ADAM22: variants seen among roughly 807,000 people sequenced by gnomAD.
The protein encoded by ADAM22 is ADAM metallopeptidase domain 22, also known as disintegrin and metalloproteinase domain-containing protein 22.
A neutral mutation model predicts 144.6 loss-of-function variants in ADAM22; 65 were observed. The ratio of observed to expected loss-of-function variants is 0.45; its 90% CI spans 0.37 to 0.55. The LOEUF (loss-of-function observed/expected upper bound fraction) is 0.55, where lower values mean the gene tolerates loss of function less well. Among genes scored for constraint, ADAM22 ranks in the 20% least tolerant of loss-of-function variants. The pLI, the probability that ADAM22 is intolerant of heterozygous loss-of-function variation, is 0.00. For synonymous variants in ADAM22, 391 were observed against 412.6 expected (o/e 0.95, Z 0.63); for missense variants, 974 against 1,184.9 (o/e 0.82, Z 2.61).
At position 87,979,888 on chromosome 7, in the gene ADAM22, A is replaced by G. The variant is rs151255170; in HGVS notation, c.323+1476A>G. Reference sequence around the variant, plus strand: ...TGGAAAGTCAGGTTCTTAGGTCTCTATTTTAATAACTCCCTTCCATCCCTC... The same window carrying G: ...TGGAAAGTCAGGTTCTTAGGTCTCTGTTTTAATAACTCCCTTCCATCCCTC... On this transcript the variant is annotated intron_variant, in intron 3 of 31. Transcript: ENST00000413139. 1.1e-4 allele frequency among the ~76,000 whole-genome samples: 16 copies of G among 152,278 alleles called. 1 individual carries two copies. In the East Asian group the frequency reaches 2.7e-3, roughly 26 times the overall value.
At chr7:88,162,740 TG>T (rs1842025095) in intron 22 of ADAM22, among the ~76,000 whole-genome samples, 1 of 152,088 alleles carries the variant, frequency 6.6e-6, no homozygotes, top group Non-Finnish European at 1.5e-5. Context: ...ACCTTTTGCT[TG>T]GTAGCCCAGG....
At chr7:87,970,422 A>G (rs1250921550) in intron 2 of ADAM22, among the ~76,000 whole-genome samples, 1 of 152,164 alleles carries the variant, frequency 6.6e-6, no homozygotes, top group East Asian at 1.9e-4. Context: ...TTTCACAGTT[A>G]TCTTATTGTA....
intron 3 of ADAM22, among the ~76,000 whole-genome samples, chr7:87,988,674 G>T (rs1789036818): frequency 6.6e-6 from 1 of 152,196 alleles, no homozygotes; most frequent in Non-Finnish European, 1.5e-5. Context: ...TTATTGGAGA[G>T]ATGGGGCCTG....
chr7:88,163,136 A>G lies in ADAM22; in HGVS notation c.2032A>G (p.Thr678Ala). The G allele has an allele frequency of 6.2e-7, 1 of 1,612,034 alleles. No individual in the cohort carries two copies. Among genetic ancestry groups the G allele is most frequent in the Non-Finnish European group, 8.5e-7 (1 of 1,178,952 alleles). ...TCCTGTGGCTTCTTTCAACTTTAGT[A>G]CTTGCTTGAGCAGTAAAGAAGGCAC... ...CLPVASFNFS[T>A]CLSSKEGTIC... Residue 678 changes from threonine to alanine, a missense_variant, in exon 23 of 32, where the codon ACT (threonine) becomes GCT (alanine). Transcript: ENST00000413139.
rs149604997 is a variant in ADAM22 at position 88,106,578 on chromosome 7, G to A, written c.391-1598G>A. Among the ~76,000 whole-genome samples, 12 of 152,134 alleles carry A rather than the reference G, an allele frequency of 7.9e-5. No individual in the cohort carries two copies. In the South Asian group the frequency reaches 1.2e-3, roughly 16 times the overall value. On this transcript the variant is annotated intron_variant, in intron 4 of 31. Coordinates refer to ENST00000413139, the MANE Select transcript of ADAM22 (RefSeq NM_001324418.2). ...GCGCCTTTAAACCACCCATCCTATC[G>A]GTCCTTTCTGTTTCACTCTTTCGTA...
chr7:87,983,817 T>C (rs1354029272), intron 3 of ADAM22, among the ~76,000 whole-genome samples: 2 of 152,154 alleles, frequency 1.3e-5, no homozygotes, highest in Non-Finnish European at 2.9e-5. Flanking sequence ...TCTTTTGTCT[T>C]ATATTTTAAG....
At position 87,955,118 on chromosome 7, in the gene ADAM22, G is replaced by A. The variant is rs572741363; in HGVS notation, c.246+19932G>A. Among the ~76,000 whole-genome samples the A allele has an allele frequency of 2.7e-4, 41 of 152,268 alleles. No homozygotes were observed. The South Asian group carries it at 8.5e-3, about 32-fold the overall frequency. ...GCTCGGAGTAATTTGATCATCTGAA[G>A]CCTTCTTCTCTCAACTCGTCAAAGT... On this transcript the variant is annotated intron_variant, in intron 2 of 31. Transcript: ENST00000413139.
intron 3 of ADAM22, among the ~76,000 whole-genome samples, chr7:88,045,885 C>A (rs890402464): frequency 9.9e-5 from 8 of 81,118 alleles, no homozygotes; most frequent in Admixed American, 1.4e-4. Flanking sequence ...GAGTCGTATT[C>A]TATTGTGTGT....
intron 3 of ADAM22, 132 bp from the exon 4 acceptor site, chr7:88,075,494 G>GAA: frequency 1.4e-6 from 1 of 724,484 alleles, no homozygotes; most frequent in East Asian, 2.7e-5. Flanking sequence ...GAGAGAGAGA[G>GAA]AGAGACCTAT....
At chr7:88,113,119 CTTTTTTTTTT>C (rs34323035) in intron 5 of ADAM22, among the ~76,000 whole-genome samples, 1 of 79,000 alleles carries the variant, frequency 1.3e-5, no homozygotes, top group African/African-American at 5.5e-5. Flanking sequence ...TGCCTGCCCT[CTTTTTTTTTT>C]TTTTTTTTTT....
At chr7:87,998,145 G>C (rs1472560428) in intron 3 of ADAM22, among the ~76,000 whole-genome samples, 3 of 152,148 alleles carry the variant, frequency 2.0e-5, no homozygotes, top group Non-Finnish European at 4.4e-5. Context: ...AGTCCTTTCA[G>C]GTTCCACTGC....
intron 4 of ADAM22, among the ~76,000 whole-genome samples, chr7:88,097,151 C>CTTTTTTTT (rs1169759079): frequency 6.2e-5 from 8 of 129,214 alleles, no homozygotes; most frequent in South Asian, 2.5e-4. Context: ...TTTTTCTTTT[C>CTTTTTTTT]TTTTTTTTTT....
intron 4 of ADAM22, among the ~76,000 whole-genome samples, chr7:88,103,705 G>C (rs1279431694): frequency 1.3e-5 from 2 of 151,972 alleles, no homozygotes; most frequent in African/African-American, 2.4e-5. Context: ...AGCCCAAAAG[G>C]CTTTTCTCTT....
intron 2 of ADAM22, among the ~76,000 whole-genome samples, chr7:87,945,010 T>G (rs1417939730): frequency 6.6e-6 from 1 of 151,448 alleles, no homozygotes; most frequent in Non-Finnish European, 1.5e-5. Flanking sequence ...TTCTTCTTCT[T>G]GGTCTTTGTA....
At chr7:88,114,782 C>A in intron 6 of ADAM22, 135 bp downstream of exon 6, 1 of 731,252 alleles carries the variant, frequency 1.4e-6, no homozygotes, top group Non-Finnish European at 2.2e-6. Flanking sequence ...TGTACAGATG[C>A]TCCTCAACTT....
intron 9 of ADAM22, among the ~76,000 whole-genome samples, chr7:88,129,041 C>T (rs188442352): frequency 2.0e-5 from 3 of 152,026 alleles, no homozygotes; most frequent in East Asian, 1.9e-4. Context: ...CATTTTAGTT[C>T]GCGGGGTACA....
At chr7:87,934,692 G>A (rs1437304050) in intron 1 of ADAM22, 142 bp downstream of exon 1, 48 of 818,102 alleles carry the variant, frequency 5.9e-5, no homozygotes, top group Non-Finnish European at 7.8e-5. Context: ...ATTCGGGAGG[G>A]TGGTGAGAAG....
intron 29 of ADAM22, among the ~76,000 whole-genome samples, chr7:88,185,398 C>G (rs10254688): frequency 1.9e-3 from 292 of 152,178 alleles, no homozygotes; most frequent in African/African-American, 6.7e-3. Context: ...ATGTAGTCTT[C>G]CATGTTTATG....
rs559311854 is a variant in ADAM22 at position 87,956,244 on chromosome 7, G to A, written c.246+21058G>A. Among the ~76,000 whole-genome samples the A allele has an allele frequency of 3.2e-3, 492 of 152,194 alleles. 3 individuals are homozygous for A. Among genetic ancestry groups the A allele is most frequent in the African/African-American group, 0.011 (445 of 41,526 alleles). ...TCACTCACGCTGGGAGCTGTAGACC[G>A]GAGCTGTTCCTATTTGGCCATCTTG... On this transcript the variant is annotated intron_variant, in intron 2 of 31. Coordinates refer to ENST00000413139, the MANE Select transcript of ADAM22 (RefSeq NM_001324418.2).
Sources: allele counts gnomAD v4.1 joint callset (sites outside exome capture counted in the v4.1 genomes callset), GRCh38; gene constraint gnomAD v4.1.1; transcripts MANE v1.5; gene names NCBI Gene and HGNC (gene_info 2026-07-23, HGNC 2026-07-21).